Variants in STK3 observed in about 807,000 individuals in gnomAD.
The protein encoded by STK3 is serine/threonine kinase 3, also known as serine/threonine-protein kinase 3.
Under a neutral mutation model 58.0 loss-of-function variants are expected in STK3, and 41 were observed. The ratio of observed to expected loss-of-function variants is 0.71; its 90% CI spans 0.55 to 0.92. The LOEUF (loss-of-function observed/expected upper bound fraction) is 0.92, where lower values mean the gene tolerates loss of function less well. Among genes scored for constraint, STK3 ranks in the 40% least tolerant of loss-of-function variants. The pLI is 0.00. For synonymous variants in STK3, 170 were observed against 191.0 expected, an observed-to-expected ratio of 0.89 and a Z score of 0.91; for missense variants, 479 against 602.7, an observed-to-expected ratio of 0.79 and a Z score of 2.15.
rs181225543 is a variant in STK3, at chr8:98,488,746, G to A, written c.1318-32746C>T. The stretch of plus-strand genomic sequence containing the variant: ...ATAACAGCAAAACTAAGATGAAAAT[G>A]CAGAGAAGTGGTATGGTACATTGGT... On this transcript the variant is annotated intron_variant, in intron 10 of 10. Coordinates refer to ENST00000419617, the MANE Select transcript of STK3 (RefSeq NM_006281.4). Among the ~76,000 whole-genome samples the A allele has an allele frequency of 1.0e-3, 152 of 152,296 alleles. 1 individual carries two copies. Among genetic ancestry groups the A allele is most frequent in the Non-Finnish European group, 4.3e-4 (29 of 68,036 alleles).
intron 10 of STK3, among the ~76,000 whole-genome samples, chr8:98,505,037 T>C (rs888152297): frequency 6.6e-6 from 1 of 152,224 alleles, no homozygotes; most frequent in Non-Finnish European, 1.5e-5. Flanking sequence ...CAATCAAATG[T>C]AGATTTGGTC....
chr8:98,665,625 A>C (rs1405087022), intron 6 of STK3, among the ~76,000 whole-genome samples: 1 of 151,292 alleles, frequency 6.6e-6, no homozygotes, highest in Non-Finnish European at 1.5e-5. Context: ...AAACTCCTAG[A>C]CTCAAGGAAT....
At chr8:98,382,238 T>A (rs969068271) in intron 1 of STK3, among the ~76,000 whole-genome samples, 5 of 152,216 alleles carry the variant, frequency 3.3e-5, no homozygotes, top group African/African-American at 9.6e-5. Flanking sequence ...GATATGCTTC[T>A]CCCTGCCTGA....
At chr8:98,887,477 A>G (rs534070588) in intron 1 of STK3, among the ~76,000 whole-genome samples, 1 of 152,360 alleles carries the variant, frequency 6.6e-6, no homozygotes, top group Admixed American at 6.5e-5. Context: ...ACTTTCTGTG[A>G]ATCTATAATG....
At chr8:98,380,148 G>A (rs573546442) in intron 1 of STK3, among the ~76,000 whole-genome samples, 2 of 152,078 alleles carry the variant, frequency 1.3e-5, no homozygotes, top group African/African-American at 2.4e-5. Flanking sequence ...GTAGGGTTAG[G>A]GGGTGGTGCA....
intron 4 of STK3, among the ~76,000 whole-genome samples, chr8:98,728,212 C>T (rs1228173184): frequency 6.6e-6 from 1 of 152,086 alleles, no homozygotes; most frequent in Non-Finnish European, 1.5e-5. Context: ...TTTCATTCCA[C>T]CCCCCTAAAG....
intron 6 of STK3, among the ~76,000 whole-genome samples, chr8:98,700,930 G>A (rs1386937486): frequency 3.3e-5 from 5 of 152,166 alleles, no homozygotes; most frequent in Non-Finnish European, 5.9e-5. Context: ...TTGACCCAGG[G>A]AGGCGAAGAT....
intron 1 of STK3, among the ~76,000 whole-genome samples, chr8:98,915,432 C>CTATATATATATATATATATATA (rs56187203): frequency 3.2e-5 from 3 of 94,748 alleles, no homozygotes; most frequent in Non-Finnish European, 5.9e-5. Flanking sequence ...ATAAACTTTC[C>CTATATATATATATATATATATA]TATATATATA....
chr8:98,588,215 A>G (rs1004208646), intron 7 of STK3, among the ~76,000 whole-genome samples: 8 of 152,158 alleles, frequency 5.3e-5, no homozygotes, highest in Non-Finnish European at 1.0e-4. Flanking sequence ...ACACTTTGGC[A>G]TGATTTTGCA....
At position 98,652,305 on chromosome 8, in the gene STK3, C is replaced by G. The variant is rs528993169; in HGVS notation, c.684+54162G>C. On this transcript the variant is annotated intron_variant, in intron 6 of 10. Coordinates refer to ENST00000419617, the MANE Select transcript of STK3 (RefSeq NM_006281.4). ...CTGAGAGATTTTGTCACCACCAGGC[C>G]TGCCCTAAAAGAGCTCCTGAAGGAA... Among the ~76,000 whole-genome samples, 842 of 152,164 alleles carry G rather than the reference C, an allele frequency of 5.5e-3. 9 individuals carry two copies. Among genetic ancestry groups the G allele is most frequent in the African/African-American group, 0.019 (808 of 41,550 alleles).
At chr8:98,526,345 G>A (rs1229892424) in intron 10 of STK3, 1 of 152,778 alleles carries the variant, frequency 6.5e-6, no homozygotes, top group Non-Finnish European at 1.5e-5. Flanking sequence ...TTTAAAAATT[G>A]AAGCAAATTC....
In STK3 at chr8:98,710,506, G is replaced by A. The variant is rs374857051; in HGVS notation, c.352-3195C>T. Among the ~76,000 whole-genome samples, 368 of 152,352 alleles carry A rather than the reference G, an allele frequency of 2.4e-3. 1 individual carries two copies. The highest frequency in any genetic ancestry group is 8.5e-3 in the African/African-American group (355 of 41,580). ...ACCAGGAGATTATATCCCGCGCCTG[G>A]CTTGGAGGGTCCTACACCCATGGAG... On this transcript the variant is annotated intron_variant, in intron 4 of 10. Transcript: ENST00000419617.
At chr8:98,719,759 C>T (rs115799416) in intron 4 of STK3, among the ~76,000 whole-genome samples, 2,841 of 152,260 alleles carry the variant, frequency 0.019, 107 homozygotes, top group African/African-American at 0.064. Flanking sequence ...CTTCAAGGTG[C>T]TGGATATACA....
chr8:98,799,251 A>G (rs1210871755), intron 1 of STK3, among the ~76,000 whole-genome samples: 3 of 152,064 alleles, frequency 2.0e-5, no homozygotes, highest in Admixed American at 2.0e-4. Context: ...CAGTGCAAAA[A>G]CCCAAAGTGA....
intron 8 of STK3, chr8:98,553,306 T>C (rs1467274682): frequency 6.6e-6 from 1 of 152,188 alleles, no homozygotes; most frequent in Non-Finnish European, 1.5e-5. Context: ...TTTACAGTAC[T>C]GTAATTGTCT....
intron 3 of STK3, among the ~76,000 whole-genome samples, chr8:98,868,609 C>T (rs1837234113): frequency 6.6e-6 from 1 of 152,144 alleles, no homozygotes; most frequent in African/African-American, 2.4e-5. Flanking sequence ...TTTAACCAAG[C>T]ATAGTGGGTT....
At chr8:98,533,661 T>C (rs1809512454) in intron 9 of STK3, among the ~76,000 whole-genome samples, 1 of 152,122 alleles carries the variant, frequency 6.6e-6, no homozygotes, top group Admixed American at 6.6e-5. Flanking sequence ...TTAATTTTTG[T>C]TTACTTTTTG....
At chr8:98,427,907 C>T in intron 3 of STK3, 1 of 1,320,442 alleles carries the variant, frequency 7.6e-7, no homozygotes, top group Non-Finnish European at 1.0e-6. Flanking sequence ...GCGCACGGCG[C>T]TCTCGCCGAC....
rs569822452 is a variant in STK3, at chr8:98,643,906, C to T, written c.685-47737G>A. Among the ~76,000 whole-genome samples the T allele has an allele frequency of 5.3e-5, 8 of 152,102 alleles. No individual in the cohort carries two copies. The East Asian group carries it at 1.5e-3, about 29-fold the overall frequency. On this transcript the variant is annotated intron_variant, in intron 6 of 10. Transcript: ENST00000419617. ...CACCTGTAGTCCCAGCTACTCAGGT[C>T]AATGTGGGCTGAAGTGGGAAAATCT...
Sources: gnomAD v4.1 joint callset for allele counts (sites outside exome capture counted in the v4.1 genomes callset) on GRCh38, gnomAD v4.1.1 for gene constraint, MANE v1.5 for transcripts, NCBI Gene and HGNC (gene_info 2026-07-23, HGNC 2026-07-21) for gene names.